The following HERC2 variants were observed in gnomAD, a reference collection of about 807,000 sequenced individuals.
HERC2 encodes the protein HECT and RLD domain containing E3 ubiquitin protein ligase 2.
A neutral mutation model predicts 537.7 loss-of-function variants in HERC2; 102 were observed. The observed-to-expected ratio is 0.19, with a 90% CI of 0.16 to 0.22. The LOEUF is 0.22. HERC2 is among the 10% of genes least tolerant of loss of function. The pLI is 1.00. For synonymous variants in HERC2, 2,224 were observed against 2,466.2 expected, an observed-to-expected ratio of 0.90 and a Z score of 2.91; for missense variants, 4,236 against 6,198.2, an observed-to-expected ratio of 0.68 and a Z score of 10.63.
chr15:28,245,756 T>C (rs943458659), intron 23 of HERC2, 125 bp downstream of exon 23: 1 of 864,590 alleles, frequency 1.2e-6, no homozygotes, highest in Non-Finnish European at 1.8e-6. Context: ...ATTTTTTACT[T>C]ATACTACCAT....
At chr15:28,286,586 A>T (rs2076163623) in intron 4 of HERC2, among the ~76,000 whole-genome samples, 1 of 152,242 alleles carries the variant, frequency 6.6e-6, no homozygotes, top group South Asian at 2.1e-4. Context: ...AATTCTCAGA[A>T]AATAGCAACA....
intron 69 of HERC2, among the ~76,000 whole-genome samples, 181 bp downstream of exon 69, chr15:28,162,913 G>T (rs1010345219): frequency 3.9e-5 from 6 of 152,148 alleles, no homozygotes; most frequent in Admixed American, 3.3e-4. Context: ...AACAGGTAAA[G>T]GATGTCACTG....
chr15:28,301,593 C>T (rs2076624786), intron 2 of HERC2, among the ~76,000 whole-genome samples: 1 of 146,418 alleles, frequency 6.8e-6, no homozygotes, highest in African/African-American at 2.5e-5. Context: ...GGAAGGCATC[C>T]ATTCTGAAAA....
intron 15 of HERC2, among the ~76,000 whole-genome samples, chr15:28,262,068 G>C (rs76342700): frequency 1.3e-5 from 2 of 152,108 alleles, no homozygotes; most frequent in Admixed American, 1.3e-4. Context: ...CCACCCCTGA[G>C]AGAAGAGAAC....
intron 3 of HERC2, among the ~76,000 whole-genome samples, chr15:28,294,773 G>A (rs1390515738): frequency 6.6e-6 from 1 of 151,950 alleles, no homozygotes; most frequent in Non-Finnish European, 1.5e-5. Context: ...TGTGGCATGC[G>A]GTGTCCCCCA....
intron 23 of HERC2, among the ~76,000 whole-genome samples, chr15:28,242,099 T>C (rs1204915181): frequency 1.3e-5 from 2 of 152,186 alleles, no homozygotes; most frequent in Non-Finnish European, 2.9e-5. Flanking sequence ...TCCATGTATA[T>C]GAAGTACCTG....
intron 44 of HERC2, among the ~76,000 whole-genome samples, chr15:28,209,617 A>C (rs1898909060): frequency 6.6e-6 from 1 of 152,210 alleles, no homozygotes; most frequent in African/African-American, 2.4e-5. Flanking sequence ...TGCTGGGATT[A>C]CAGGCATGAG....
chr15:28,248,796 G>A, intron 20 of HERC2, 60 bp from the exon 21 acceptor site: 11 of 1,337,210 alleles, frequency 8.2e-6, no homozygotes, highest in Non-Finnish European at 1.2e-5. Context: ...AAAAGAAAAT[G>A]GGATGGGGTA....
intron 20 of HERC2, among the ~76,000 whole-genome samples, chr15:28,253,769 C>T (rs539115935): frequency 2.6e-5 from 4 of 152,104 alleles, no homozygotes; most frequent in South Asian, 2.1e-4. Flanking sequence ...TGAGACCAGC[C>T]TGACCAATAT....
chr15:28,163,389 G>T, intron 68 of HERC2, 104 bp from the exon 69 acceptor site: 3 of 987,306 alleles, frequency 3.0e-6, no homozygotes, highest in Non-Finnish European at 4.5e-6. Context: ...ATACCAACGA[G>T]TAAGAAACCT....
rs1365845866 is a variant in HERC2, at chr15:28,268,615, G to C, written c.1448C>G (p.Ala483Gly). The change falls in exon 12 of 93, where the codon GCC becomes GGC. Residue 483 changes from alanine (A) to glycine (G), a missense_variant and splice_region_variant. Physicochemically the swap from Ala to Gly is moderately conservative, Grantham distance 60. Coordinates refer to ENST00000261609, the MANE Select transcript of HERC2 (RefSeq NM_004667.6). This position sits in a 1 kb window ranked among gnomAD's most constrained non-coding sequence, Gnocchi z 4.7. Reference sequence around the variant, plus strand: ...GGCAAGGCCTTGGACCAGCTGTGGGGCCTAAAGAAGGAAAAATACGAAGAA... The same window carrying C: ...GGCAAGGCCTTGGACCAGCTGTGGGCCCTAAAGAAGGAAAAATACGAAGAA... ...YTQAYNSDTL[A>G]PQLVQGLASR... The C allele has an allele frequency of 4.3e-6, 7 of 1,613,108 alleles. No individual in the cohort carries two copies. The highest frequency in any genetic ancestry group is 2.7e-5 in the African/African-American group (2 of 74,882).
chr15:28,132,412 A>T (rs1028738129), intron 80 of HERC2, 151 bp from the exon 81 acceptor site: 3 of 861,306 alleles, frequency 3.5e-6, no homozygotes, highest in African/African-American at 3.4e-5. Context: ...AAGACAAAAG[A>T]GAAAGCACCT....
At chr15:28,143,054 C>T in intron 74 of HERC2, 102 bp from the exon 75 acceptor site, 1 of 1,021,358 alleles carries the variant, frequency 9.8e-7, no homozygotes, top group Non-Finnish European at 1.4e-6. Context: ...GGTACTAACT[C>T]TTCTAAAAAA....
At chr15:28,153,976 G>C (rs1892727334) in intron 69 of HERC2, among the ~76,000 whole-genome samples, 1 of 152,158 alleles carries the variant, frequency 6.6e-6, no homozygotes, top group Admixed American at 6.5e-5. Flanking sequence ...AGCTGCCCCT[G>C]CTGACCCAGT....
At chr15:28,253,468 A>G (rs953175482) in intron 20 of HERC2, among the ~76,000 whole-genome samples, 4 of 152,218 alleles carry the variant, frequency 2.6e-5, no homozygotes, top group Non-Finnish European at 4.4e-5. Context: ...TGCACACCGC[A>G]ATTTCTCTTC....
chr15:28,274,398 G>A lies in HERC2; in HGVS notation c.693C>T (p.Ala231=), dbSNP rs2075817501. Residue 231 remains alanine (A), a synonymous_variant, in exon 7 of 93, where the codon GCC becomes GCT. Transcript: ENST00000261609. The stretch of plus-strand genomic sequence containing the variant: ...GCGAGGCCTCGGGAAGTGCTCGCAG[G>A]GCGTCCAGGGACTCCTGCAACAGCT... ...CSELLQESLD[A]LRALPEASLF... is the part of the protein sequence containing the mutation. The A allele has an allele frequency of 1.2e-6, 2 of 1,613,912 alleles. No homozygotes were observed. The highest frequency in any genetic ancestry group is 1.7e-6 in the Non-Finnish European group (2 of 1,179,898).
At chr15:28,183,212 A>AT (rs201651092) in intron 56 of HERC2, among the ~76,000 whole-genome samples, 2 of 151,906 alleles carry the variant, frequency 1.3e-5, no homozygotes, top group East Asian at 3.9e-4. Context: ...GAGTTTATTT[A>AT]TTTTTTGTTT....
intron 69 of HERC2, among the ~76,000 whole-genome samples, 171 bp from the exon 70 acceptor site, chr15:28,153,001 A>G (rs922949118): frequency 5.3e-5 from 8 of 152,240 alleles, no homozygotes; most frequent in African/African-American, 1.9e-4. Context: ...CCTTGCACAT[A>G]AAACAGAGAC....
intron 78 of HERC2, among the ~76,000 whole-genome samples, chr15:28,139,501 T>G (rs1197559462): frequency 6.6e-6 from 1 of 152,210 alleles, no homozygotes; most frequent in Non-Finnish European, 1.5e-5. Context: ...TCAAGATGAC[T>G]GCAGCCTGCT....
Sources: gnomAD v4.1 joint callset for allele counts (sites outside exome capture counted in the v4.1 genomes callset) on GRCh38, gnomAD v4.1.1 for gene constraint, Gnocchi (gnomAD v3.1) non-coding constraint, MANE v1.5 for transcripts, NCBI Gene and HGNC (gene_info 2026-07-23, HGNC 2026-07-21) for gene names.